The following DDX55 variants were observed in gnomAD, a reference collection of about 807,000 sequenced individuals.
DDX55 encodes the protein ATP-dependent RNA helicase DDX55.
DDX55 carries 56 observed loss-of-function variants against 69.2 expected under a neutral mutation model. The ratio of observed to expected loss-of-function variants is 0.81; its 90% CI spans 0.65 to 1.01. DDX55 has a LOEUF of 1.01. DDX55 is among the 50% of genes least tolerant of loss of function. The pLI is 0.00. For synonymous variants in DDX55, 268 were observed against 273.1 expected (o/e 0.98, Z 0.18); for missense variants, 720 against 745.1 (o/e 0.97, Z 0.39).
At chr12:123,614,346 C>CA (rs1365358511) in intron 8 of DDX55, among the ~76,000 whole-genome samples, 1 of 152,168 alleles carries the variant, frequency 6.6e-6, no homozygotes, top group East Asian at 1.9e-4. Context: ...CTGAAGTAGA[C>CA]AAGAGTTAGC....
intron 1 of DDX55, among the ~76,000 whole-genome samples, chr12:123,603,943 C>G (rs910413003): frequency 6.6e-6 from 1 of 152,122 alleles, no homozygotes; most frequent in Non-Finnish European, 1.5e-5. Context: ...GCTGGGGTTA[C>G]AGGCATACAC....
Position 123,615,155 on chromosome 12 carries a change from A to G in DDX55, c.825-30A>G, listed in dbSNP as rs78864418. On this transcript the variant is annotated intron_variant, in intron 8 of 13. Transcript: ENST00000238146. ...GGTTGTAGAAGGACCAAAGTGGCCA[A>G]TGACTCTAAGCCCTCTGTCCCTCTT... 6.7e-4 allele frequency: 1,079 copies of G among 1,613,156 alleles called. 9 individuals are homozygous for G. In the African/African-American group the frequency reaches 0.013, roughly 19 times the overall value.
rs368267912 is a variant in DDX55, at chr12:123,619,981, T to C, written c.1644T>C (p.Asp548=). Residue 548 remains aspartate, a synonymous_variant, in exon 14 of 14, where the codon GAT becomes GAC. Coordinates refer to ENST00000238146, the MANE Select transcript of DDX55 (RefSeq NM_020936.3). The stretch of plus-strand genomic sequence containing the variant: ...GCACTTAGGGTTCTGATATTGAAGA[T>C]GAGGACATGGAAGAACTTCTTAATG... ...RKREEGSDIE[D]EDMEELLNDT... The C allele has an allele frequency of 6.2e-6, 10 of 1,613,238 alleles. No individual in the cohort carries two copies. The highest frequency in any genetic ancestry group is 1.3e-5 in the African/African-American group (1 of 74,816).
intron 7 of DDX55, among the ~76,000 whole-genome samples, chr12:123,612,679 TA>T (rs35122557): frequency 6.9e-4 from 101 of 147,088 alleles, no homozygotes; most frequent in East Asian, 7.9e-4. Context: ...AATCTGCATT[TA>T]AAAAAAAAAA....
chr12:123,607,261 G>A (rs1953947030), intron 3 of DDX55, among the ~76,000 whole-genome samples, 171 bp from the exon 4 acceptor site: 1 of 152,224 alleles, frequency 6.6e-6, no homozygotes, highest in African/African-American at 2.4e-5. Context: ...ATGATGACGA[G>A]TAACCGTAAT....
At chr12:123,609,898 C>T (rs1389028864) in intron 6 of DDX55, 41 bp from the exon 7 acceptor site, 2 of 1,583,642 alleles carry the variant, frequency 1.3e-6, no homozygotes, top group Non-Finnish European at 1.7e-6. Flanking sequence ...GTTGATTCTG[C>T]TGGCAAGTGA....
intron 11 of DDX55, 100 bp from the exon 12 acceptor site, chr12:123,618,569 A>T (rs977973951): frequency 1.8e-4 from 275 of 1,552,252 alleles, no homozygotes; most frequent in Non-Finnish European, 2.2e-4. Context: ...ACAGTTGAAA[A>T]GGAATTGTTT....
Position 123,609,954 on chromosome 12 carries a change from G to C in DDX55, c.567G>C (p.Leu189=). ...TTTTTATCAGCATCAACACCATTCT[G>C]GAGTTTTTGCCAAAGCAGAGGAGAA... ...MGFEASINTI[L]EFLPKQRRTG... The change falls in exon 7 of 14, where the codon CTG becomes CTC. Residue 189 remains leucine (L), a synonymous_variant. Transcript: ENST00000238146. The C allele has an allele frequency of 1.9e-6, 3 of 1,613,756 alleles. No individual in the cohort carries two copies. The highest frequency in any genetic ancestry group is 2.5e-6 in the Non-Finnish European group (3 of 1,179,924).
At position 123,602,163 on chromosome 12, in the gene DDX55, A is replaced by T; in HGVS notation, c.15A>T (p.Thr5=). 1 of 1,559,100 alleles carries T rather than the reference A, an allele frequency of 6.4e-7. No individual in the cohort carries two copies. Residue 5 remains threonine, a synonymous_variant, in exon 1 of 14, where the codon ACA becomes ACT. Coordinates refer to ENST00000238146, the MANE Select transcript of DDX55 (RefSeq NM_020936.3). MEHV[T]EGSWESLPVP... ...AGGAGCGCGCCATGGAGCATGTGAC[A>T]GAGGGCTCCTGGGAGTCGCTGCCTG...
chr12:123,620,629 A>ATATAT lies in DDX55; in HGVS notation c.*489_*490insTATAT, dbSNP rs1566211855. 1.6e-5 allele frequency: 1 copy of ATATAT among 60,826 alleles called. No homozygotes were observed. The highest frequency in any genetic ancestry group is 3.4e-5 in the Non-Finnish European group (1 of 29,202). The allele number at this position is 60,826 out of a possible 1,614,324, so 3.8% of individuals were successfully genotyped here. A position where few individuals can be genotyped will look rare whatever the true frequency, so the allele number is the denominator to read the frequency against. ...ATATATATATATATATATATATATA[A>ATATAT]GCTCTTTTTTCTGAGGCTATTTTAT... On this transcript the variant is annotated 3_prime_UTR_variant, in exon 14 of 14. Transcript: ENST00000238146.
Position 123,613,161 on chromosome 12 carries a change from A to G in DDX55, c.742-9A>G. 1 of 1,613,748 alleles carries G rather than the reference A, an allele frequency of 6.2e-7. No homozygotes were observed. Among genetic ancestry groups the G allele is most frequent in the South Asian group, 1.1e-5 (1 of 91,010 alleles). On this transcript the variant is annotated splice_polypyrimidine_tract_variant and intron_variant, in intron 7 of 13. Coordinates refer to ENST00000238146, the MANE Select transcript of DDX55 (RefSeq NM_020936.3). ...ATGTTTTTTATTAGTTTCCCTTTTT[A>G]TTTTGCAGGTATGCAAGGCAGATGA...
At position 123,608,725 on chromosome 12, in the gene DDX55, C is replaced by G; in HGVS notation, c.447C>G (p.Phe149Leu). 1 of 1,614,058 alleles carries G rather than the reference C, an allele frequency of 6.2e-7. No homozygotes were observed. The highest frequency in any genetic ancestry group is 1.1e-5 in the South Asian group (1 of 91,064). ...VATPGRLEDMFRRKAEGLDLA... is the reference protein window; with the variant it reads ...VATPGRLEDMLRRKAEGLDLA... ...CTCCAGGCCGCTTGGAGGACATGTTCCGGAGGAAGGCCGAAGGCTTGGATC... is the reference window on the plus strand; with the variant it reads ...CTCCAGGCCGCTTGGAGGACATGTTGCGGAGGAAGGCCGAAGGCTTGGATC... The change falls in exon 6 of 14, where the codon TTC (phenylalanine) becomes TTG (leucine). Residue 149 changes from phenylalanine (F) to leucine (L), a missense_variant. Coordinates refer to ENST00000238146, the MANE Select transcript of DDX55 (RefSeq NM_020936.3).
chr12:123,611,881 A>G (rs557343657), intron 7 of DDX55, among the ~76,000 whole-genome samples: 59 of 152,342 alleles, frequency 3.9e-4, no homozygotes, highest in Middle Eastern at 6.8e-3. Context: ...TGCCTGGTGC[A>G]TATCTTGGCT....
At chr12:123,613,797 A>C (rs1413653492) in intron 8 of DDX55, among the ~76,000 whole-genome samples, 7 of 152,172 alleles carry the variant, frequency 4.6e-5, no homozygotes. Flanking sequence ...CCTCTGTAGT[A>C]GTGGCCAGTG....
chr12:123,617,213 C>T lies in DDX55; in HGVS notation c.1050-545C>T, dbSNP rs188873253. On this transcript the variant is annotated intron_variant, in intron 10 of 13. Coordinates refer to ENST00000238146, the MANE Select transcript of DDX55 (RefSeq NM_020936.3). Reference sequence around the variant, plus strand: ...ATGAATAACCCATTCATGGTGAAATCGTGATACTGTATTGGTAGCAATTAA... The same window carrying T: ...ATGAATAACCCATTCATGGTGAAATTGTGATACTGTATTGGTAGCAATTAA... 3.1e-3 allele frequency among the ~76,000 whole-genome samples: 469 copies of T among 152,270 alleles called. 1 individual carries two copies. The highest frequency in any genetic ancestry group is 0.01 in the African/African-American group (426 of 41,558).
chr12:123,610,334 C>G (rs11610332), intron 7 of DDX55, among the ~76,000 whole-genome samples: 1 of 152,158 alleles, frequency 6.6e-6, no homozygotes, highest in African/African-American at 2.4e-5. Context: ...AGCACAGTCT[C>G]TAAGGACAGA....
Position 123,602,129 on chromosome 12 carries a change from A to T in DDX55, c.-20A>T. On this transcript the variant is annotated 5_prime_UTR_variant, in exon 1 of 14. Coordinates refer to ENST00000238146, the MANE Select transcript of DDX55 (RefSeq NM_020936.3). ...AGGCGCGTTCGAGCAGCGGCGACCG[A>T]CGCGGCGAAGGAGCGCGCCATGGAG... is the stretch of plus-strand genomic sequence containing the variant. The T allele has an allele frequency of 6.5e-7, 1 of 1,538,164 alleles. No homozygotes were observed. Among genetic ancestry groups the T allele is most frequent in the Non-Finnish European group, 8.8e-7 (1 of 1,142,026 alleles).
chr12:123,607,404 A>C, intron 3 of DDX55, 28 bp from the exon 4 acceptor site: 1 of 1,612,220 alleles, frequency 6.2e-7, no homozygotes, highest in Non-Finnish European at 8.5e-7. Context: ...TGTGCTGCTG[A>C]CTGTGTCCCT....
In DDX55 at chr12:123,618,308, G is replaced by A. The variant is rs1020966295; in HGVS notation, c.1165-361G>A. The A allele has an allele frequency of 1.6e-4, 86 of 539,994 alleles. 1 individual carries two copies. The highest frequency in any genetic ancestry group is 9.0e-4 in the South Asian group (62 of 69,196). The allele number at this position is 539,994 out of a possible 1,614,324, so 33.5% of individuals were successfully genotyped here. Reference sequence around the variant, plus strand: ...ATGACAGGCGTGAGCCACCGTGCCCGGCCACCCTGGTGGGCTTTAAGGCTG... The same window carrying A: ...ATGACAGGCGTGAGCCACCGTGCCCAGCCACCCTGGTGGGCTTTAAGGCTG... On this transcript the variant is annotated intron_variant, in intron 11 of 13. Transcript: ENST00000238146.
Sources: allele counts gnomAD v4.1 joint callset (sites outside exome capture counted in the v4.1 genomes callset), GRCh38; gene constraint gnomAD v4.1.1; transcripts MANE v1.5; gene names NCBI Gene and HGNC (gene_info 2026-07-23, HGNC 2026-07-21).